Variants in MOB3B observed in about 807,000 individuals in gnomAD.
MOB3B encodes MOB kinase activator-like 2B.
MOB3B carries 7 observed loss-of-function variants against 18.7 expected under a neutral mutation model. That is an observed-to-expected ratio of 0.37 (90% CI 0.21 to 0.70). MOB3B has a LOEUF of 0.70. Ranked by LOEUF, MOB3B falls within the 30% of genes least tolerant of loss-of-function variation. The pLI is 0.52. For synonymous variants in MOB3B, 111 were observed against 99.9 expected (o/e 1.11, Z -0.66); for missense variants, 253 against 281.3 (o/e 0.90, Z 0.72).
At chr9:27,445,292 C>T (rs1224595795) in intron 2 of MOB3B, among the ~76,000 whole-genome samples, 2 of 151,954 alleles carry the variant, frequency 1.3e-5, no homozygotes, top group African/African-American at 2.4e-5. Context: ...ATTTTTCCCA[C>T]GTCACCTTCT....
chr9:27,339,826 G>A (rs971231836), intron 3 of MOB3B, among the ~76,000 whole-genome samples: 37 of 152,228 alleles, frequency 2.4e-4, no homozygotes, highest in African/African-American at 7.7e-4. Context: ...ACCAGCATGG[G>A]CCACGGGAGT....
At chr9:27,415,179 A>G (rs896783520) in intron 2 of MOB3B, among the ~76,000 whole-genome samples, 1 of 152,160 alleles carries the variant, frequency 6.6e-6, no homozygotes, top group African/African-American at 2.4e-5. Flanking sequence ...AGATTTTAAA[A>G]TCCTATGGAA....
intron 1 of MOB3B, among the ~76,000 whole-genome samples, chr9:27,473,134 C>G (rs778930081): frequency 1.3e-5 from 2 of 152,202 alleles, no homozygotes; most frequent in Non-Finnish European, 2.9e-5. Flanking sequence ...AACTGACAGA[C>G]AAGGGTAGTA....
At chr9:27,429,283 A>G (rs1176125362) in intron 2 of MOB3B, among the ~76,000 whole-genome samples, 1 of 152,202 alleles carries the variant, frequency 6.6e-6, no homozygotes, top group Non-Finnish European at 1.5e-5. Context: ...TATGGCCATC[A>G]AAACAAACCA....
intron 1 of MOB3B, among the ~76,000 whole-genome samples, chr9:27,475,768 T>C (rs1401576441): frequency 6.6e-6 from 1 of 152,180 alleles, no homozygotes; most frequent in East Asian, 1.9e-4. Flanking sequence ...AATTTGAAAG[T>C]ATATCATTTA....
chr9:27,510,479 A>G (rs1417484009), intron 1 of MOB3B, among the ~76,000 whole-genome samples: 3 of 152,198 alleles, frequency 2.0e-5, no homozygotes, highest in Non-Finnish European at 4.4e-5. Flanking sequence ...TCCTCAGGAT[A>G]TTAGTAAGTG....
At chr9:27,390,054 C>CATAT (rs750356254) in intron 2 of MOB3B, among the ~76,000 whole-genome samples, 1 of 151,654 alleles carries the variant, frequency 6.6e-6, no homozygotes, top group Non-Finnish European at 1.5e-5. Flanking sequence ...TCAATAGTTG[C>CATAT]ATATATATAT....
At chr9:27,483,378 C>T (rs571414006) in intron 1 of MOB3B, among the ~76,000 whole-genome samples, 2 of 152,136 alleles carry the variant, frequency 1.3e-5, no homozygotes, top group African/African-American at 2.4e-5. Flanking sequence ...GTGATCCGCC[C>T]GCCTCGGCCT....
chr9:27,436,746 C>A (rs1009317372), intron 2 of MOB3B, among the ~76,000 whole-genome samples: 3 of 151,846 alleles, frequency 2.0e-5, no homozygotes, highest in Non-Finnish European at 4.4e-5. Context: ...ATATACATGA[C>A]AAACAACTTC....
intron 2 of MOB3B, among the ~76,000 whole-genome samples, chr9:27,442,336 C>T (rs1026428135): frequency 6.6e-6 from 1 of 152,174 alleles, no homozygotes; most frequent in African/African-American, 2.4e-5. Flanking sequence ...ATCCTAATTC[C>T]GTTTTCCTAC....
At chr9:27,390,782 G>C (rs761892359) in intron 2 of MOB3B, among the ~76,000 whole-genome samples, 2 of 152,130 alleles carry the variant, frequency 1.3e-5, no homozygotes, top group Non-Finnish European at 2.9e-5. Flanking sequence ...AACCCCCAAG[G>C]TGATATTAGG....
chr9:27,353,945 C>T (rs534401377), intron 3 of MOB3B, among the ~76,000 whole-genome samples: 1 of 152,364 alleles, frequency 6.6e-6, no homozygotes, highest in Admixed American at 6.5e-5. Context: ...GCTGTTTCCT[C>T]CAACAAGGAA....
chr9:27,517,016 G>A (rs1433952643), intron 1 of MOB3B, among the ~76,000 whole-genome samples: 1 of 152,094 alleles, frequency 6.6e-6, no homozygotes, highest in East Asian at 1.9e-4. Flanking sequence ...CATATACCTA[G>A]CTAGAAAACT....
At chr9:27,366,231 T>A (rs1167022081) in intron 2 of MOB3B, among the ~76,000 whole-genome samples, 1 of 152,128 alleles carries the variant, frequency 6.6e-6, no homozygotes, top group Non-Finnish European at 1.5e-5. Context: ...AACTTTCTGA[T>A]CTCCAAGCCA....
At chr9:27,411,205 G>A (rs1005932709) in intron 2 of MOB3B, among the ~76,000 whole-genome samples, 4 of 152,160 alleles carry the variant, frequency 2.6e-5, no homozygotes, top group Admixed American at 2.6e-4. Context: ...CCTCTTCTAG[G>A]GAAAAGGCAC....
intron 2 of MOB3B, 119 bp downstream of exon 2, chr9:27,455,013 AG>A (rs1822849158): frequency 9.9e-7 from 1 of 1,012,754 alleles, no homozygotes; most frequent in Admixed American, 2.0e-5. Context: ...CACTCACTAC[AG>A]GTATGTGAGT....
chr9:27,497,237 T>A (rs1440465783), intron 1 of MOB3B, among the ~76,000 whole-genome samples: 1 of 152,162 alleles, frequency 6.6e-6, no homozygotes, highest in African/African-American at 2.4e-5. Flanking sequence ...AAATCACTTC[T>A]GGGAAATTTT....
chr9:27,481,813 C>T (rs1380016750), intron 1 of MOB3B, among the ~76,000 whole-genome samples: 2 of 152,156 alleles, frequency 1.3e-5, no homozygotes, highest in African/African-American at 4.8e-5. Flanking sequence ...GCGTGAGCCA[C>T]CGCGCCCAGC....
At chr9:27,369,879 A>G (rs10812574) in intron 2 of MOB3B, among the ~76,000 whole-genome samples, 98,377 of 151,250 alleles carry the variant, frequency 0.65, 33,273 homozygotes, top group East Asian at 0.94. Flanking sequence ...AGGTAGGCAT[A>G]TCATAACACC....
Sources: allele counts gnomAD v4.1 joint callset (sites outside exome capture counted in the v4.1 genomes callset), GRCh38; gene constraint gnomAD v4.1.1; transcripts MANE v1.5; gene names NCBI Gene and HGNC (gene_info 2026-07-23, HGNC 2026-07-21).